The following CCDC27 variants were observed in gnomAD, a reference collection of about 807,000 sequenced individuals.
CCDC27 encodes coiled-coil domain-containing protein 27.
A neutral mutation model predicts 80.3 loss-of-function variants in CCDC27; 80 were observed. That is an observed-to-expected ratio of 1.00 (90% CI 0.83 to 1.20). The LOEUF is 1.20. Ranked by LOEUF, CCDC27 falls within the 50% of genes most tolerant of loss-of-function variation. The probability of loss-of-function intolerance (pLI) is 0.00; values close to 1 mark genes in which losing one functional copy is unlikely to be tolerated. For synonymous variants in CCDC27, 342 were observed against 334.3 expected, an observed-to-expected ratio of 1.02 and a Z score of -0.25; for missense variants, 815 against 809.4, an observed-to-expected ratio of 1.01 and a Z score of -0.08.
At position 3,763,864 on chromosome 1, in the gene CCDC27, G is replaced by A. The variant is rs374369799; in HGVS notation, c.1452+28G>A. ...GGCCGTGCGCTCAGTACCGGCCTCCGCTCCATGAGCATGGGCCCCAGGCTT... is the reference window on the plus strand; with the variant it reads ...GGCCGTGCGCTCAGTACCGGCCTCCACTCCATGAGCATGGGCCCCAGGCTT... On this transcript the variant is annotated intron_variant, in intron 8 of 11. Coordinates refer to ENST00000294600, the MANE Select transcript of CCDC27 (RefSeq NM_152492.3). This position sits in a 1 kb window ranked among gnomAD's most constrained non-coding sequence, Gnocchi z 7.5. 141 of 1,608,894 alleles carry A rather than the reference G, an allele frequency of 8.8e-5. 1 individual carries two copies. The South Asian group carries it at 1.2e-3, about 13-fold the overall frequency.
intron 1 of CCDC27, 114 bp from the exon 2 acceptor site, chr1:3,754,004 G>A (rs991738298): frequency 7.5e-6 from 11 of 1,469,972 alleles, no homozygotes; most frequent in Non-Finnish European, 1.0e-5. Context: ...CGACTCATAG[G>A]CACCTGCCAT....
chr1:3,768,653 C>T lies in CCDC27; in HGVS notation c.1744-1130C>T, dbSNP rs936114995. ...CTAGGTGTGTCCATTTGTGCGCCAG[C>T]CTGCACTGACCTGGTGGAGCCTGGA... On this transcript the variant is annotated intron_variant, in intron 10 of 11. Transcript: ENST00000294600. This position sits in a 1 kb window ranked among gnomAD's most constrained non-coding sequence, Gnocchi z 5.6. Among the ~76,000 whole-genome samples the T allele has an allele frequency of 6.6e-6, 1 of 152,146 alleles. No homozygotes were observed. Among genetic ancestry groups the T allele is most frequent in the African/African-American group, 2.4e-5 (1 of 41,436 alleles).
chr1:3,765,516 TAGA>T (rs1342279925), intron 8 of CCDC27, among the ~76,000 whole-genome samples: 3 of 152,258 alleles, frequency 2.0e-5, no homozygotes, highest in African/African-American at 7.2e-5. Context: ...CGATACTTTC[TAGA>T]AGATTTCCTT....
chr1:3,755,297 G>A (rs1642923695), intron 2 of CCDC27, among the ~76,000 whole-genome samples, 160 bp from the exon 3 acceptor site: 1 of 152,176 alleles, frequency 6.6e-6, no homozygotes, highest in African/African-American at 2.4e-5. Context: ...GGAGGATGAA[G>A]CCCACCCTTT....
At position 3,771,458 on chromosome 1, in the gene CCDC27, G is replaced by T; in HGVS notation, c.1906G>T (p.Val636Leu). The change falls in exon 12 of 12, where the codon GTG becomes TTG. Residue 636 changes from valine to leucine, a missense_variant. Transcript: ENST00000294600. The part of the protein sequence containing the change: ...YNQLKQKGVK[V>L]PPLQQSEAFL... Reference sequence around the variant, plus strand: ...TCAGCTGAAGCAGAAAGGCGTCAAAGTGCCCCCCCTGCAACAGTCAGAGGC... The same window carrying T: ...TCAGCTGAAGCAGAAAGGCGTCAAATTGCCCCCCCTGCAACAGTCAGAGGC... The T allele has an allele frequency of 6.2e-7, 1 of 1,614,026 alleles. No individual in the cohort carries two copies. Among genetic ancestry groups the T allele is most frequent in the Non-Finnish European group, 8.5e-7 (1 of 1,179,986 alleles).
Position 3,763,583 on chromosome 1 carries a change from A to G in CCDC27, c.1321+109A>G, listed in dbSNP as rs1483599187. On this transcript the variant is annotated intron_variant, in intron 7 of 11. Coordinates refer to ENST00000294600, the MANE Select transcript of CCDC27 (RefSeq NM_152492.3). The surrounding 1 kb of genome is among the most constrained non-coding windows in gnomAD (Gnocchi z 7.5). ...CTGGTCAGTGAGCTGGAGCAGGGGC[A>G]GGTGTCGGCAGCCTCACCCAGGCTG... 1.9e-6 allele frequency: 3 copies of G among 1,553,268 alleles called. No individual in the cohort carries two copies. Among genetic ancestry groups the G allele is most frequent in the South Asian group, 1.2e-5 (1 of 81,958 alleles).
rs749567770 is a variant in CCDC27, at chr1:3,763,266, G to GGAGGAGGAA, written c.1124_1132dup (p.Glu375_Glu377dup). Reference sequence around the variant, plus strand: ...GATCCGTGCATGAGGAGGGAAGCGAGGAGGAGGAAGAGGAGGAAGGGGACA... The same window carrying GGAGGAGGAA: ...GATCCGTGCATGAGGAGGGAAGCGAGGAGGAGGAAGAGGAGGAAGAGGAGGAAGGGGACA... On this transcript the variant is annotated inframe_insertion, in exon 7 of 12. Coordinates refer to ENST00000294600, the MANE Select transcript of CCDC27 (RefSeq NM_152492.3). This position sits in a 1 kb window ranked among gnomAD's most constrained non-coding sequence, Gnocchi z 7.5. 3.8e-6 allele frequency: 6 copies of GGAGGAGGAA among 1,583,582 alleles called. No homozygotes were observed. The highest frequency in any genetic ancestry group is 1.8e-5 in the Admixed American group (1 of 54,216).
At chr1:3,764,614 A>G (rs779778284) in intron 8 of CCDC27, among the ~76,000 whole-genome samples, 1 of 152,242 alleles carries the variant, frequency 6.6e-6, no homozygotes, top group Non-Finnish European at 1.5e-5. Flanking sequence ...CATAAATAAA[A>G]TAAGTTTTAC....
In CCDC27 at chr1:3,766,295, T is replaced by C. The variant is rs986472404; in HGVS notation, c.1453-240T>C. On this transcript the variant is annotated intron_variant, in intron 8 of 11. Coordinates refer to ENST00000294600, the MANE Select transcript of CCDC27 (RefSeq NM_152492.3). The surrounding 1 kb of genome is among the most constrained non-coding windows in gnomAD (Gnocchi z 6.1). The stretch of plus-strand genomic sequence containing the variant: ...AGTGTGAATTGGGCTTATTTTCTGC[T>C]TTTCCTACTGCCGGCTATTTGGCTT... Among the ~76,000 whole-genome samples, 1 of 152,204 alleles carries C rather than the reference T, an allele frequency of 6.6e-6. No individual in the cohort carries two copies. The highest frequency in any genetic ancestry group is 1.5e-5 in the Non-Finnish European group (1 of 68,036).
rs753386804 is a variant in CCDC27, at chr1:3,771,444, A to G, written c.1892A>G (p.Gln631Arg). ...ERSDYYNQLK[Q>R]KGVKVPPLQQ... ...AGCGACTACTATAATCAGCTGAAGCAGAAAGGCGTCAAAGTGCCCCCCCTG... is the reference window on the plus strand; with the variant it reads ...AGCGACTACTATAATCAGCTGAAGCGGAAAGGCGTCAAAGTGCCCCCCCTG... Residue 631 changes from glutamine to arginine, a missense_variant, in exon 12 of 12, where the codon CAG becomes CGG. By Grantham distance (43) the Gln-to-Arg change is conservative (BLOSUM62 1). Coordinates refer to ENST00000294600, the MANE Select transcript of CCDC27 (RefSeq NM_152492.3). 2 of 1,614,102 alleles carry G rather than the reference A, an allele frequency of 1.2e-6. No homozygotes were observed. The highest frequency in any genetic ancestry group is 1.7e-6 in the Non-Finnish European group (2 of 1,180,008).
chr1:3,765,853 T>C lies in CCDC27; in HGVS notation c.1453-682T>C, dbSNP rs1449124648. Among the ~76,000 whole-genome samples the C allele has an allele frequency of 4.1e-5, 6 of 146,702 alleles. No homozygotes were observed. The Middle Eastern group carries it at 0.014, about 349-fold the overall frequency. ...CTTTGGCATTTTAATGGAGAGTTTC[T>C]TTTCTTTTCTTTTCTCCTTTTTTTT... is the stretch of plus-strand genomic sequence containing the variant. On this transcript the variant is annotated intron_variant, in intron 8 of 11. Coordinates refer to ENST00000294600, the MANE Select transcript of CCDC27 (RefSeq NM_152492.3).
rs1215300500 is a variant in CCDC27 at position 3,752,639 on chromosome 1, C to T, written c.158C>T (p.Ser53Phe). Reference sequence around the variant, plus strand: ...ATGTTACCTAAGGAGGCCAGCCCATCTCAGAGGCACAGTTCGATGTCCAGC... The same window carrying T: ...ATGTTACCTAAGGAGGCCAGCCCATTTCAGAGGCACAGTTCGATGTCCAGC... ...RLMLPKEASP[S>F]QRHSSMSSSM... is the part of the protein sequence containing the mutation. The change falls in exon 1 of 12, where the codon TCT (serine) becomes TTT (phenylalanine). Residue 53 changes from serine (S) to phenylalanine (F), a missense_variant. Transcript: ENST00000294600. 3 of 1,614,132 alleles carry T rather than the reference C, an allele frequency of 1.9e-6. No individual in the cohort carries two copies. Among genetic ancestry groups the T allele is most frequent in the South Asian group, 1.1e-5 (1 of 91,082 alleles).
chr1:3,762,552 G>T, intron 5 of CCDC27, 68 bp from the exon 6 acceptor site: 1 of 1,249,306 alleles, frequency 8.0e-7, no homozygotes, highest in Non-Finnish European at 1.1e-6. Context: ...TCTAGGACAG[G>T]CAGTGGTCTG....
chr1:3,763,804 C>T lies in CCDC27; in HGVS notation c.1420C>T (p.Arg474Trp), dbSNP rs140665259. Residue 474 changes from arginine to tryptophan, a missense_variant, in exon 8 of 12, where the codon CGG becomes TGG. By Grantham distance (101) the Arg-to-Trp change is moderately radical. Coordinates refer to ENST00000294600, the MANE Select transcript of CCDC27 (RefSeq NM_152492.3). This position sits in a 1 kb window ranked among gnomAD's most constrained non-coding sequence, Gnocchi z 7.5. ...GACGCTGCAGAAGGAGCTCCGAGAGCGGAGGCAGCAGCTACAAGCCATGAC... is the reference window on the plus strand; with the variant it reads ...GACGCTGCAGAAGGAGCTCCGAGAGTGGAGGCAGCAGCTACAAGCCATGAC... ...NETLQKELRERRQQLQAMTDK... is the reference protein window; with the variant it reads ...NETLQKELREWRQQLQAMTDK... The T allele has an allele frequency of 3.2e-4, 519 of 1,613,848 alleles. No individual in the cohort carries two copies. The highest frequency in any genetic ancestry group is 1.6e-3 in the Admixed American group (97 of 60,026).
rs143969012 is a variant in CCDC27 at position 3,764,893 on chromosome 1, G to A, written c.1452+1057G>A. Reference sequence around the variant, plus strand: ...TCTACTAAAAATACAAAAATTAACCGGTGTGATGGTGGATGCCTGTAATCC... The same window carrying A: ...TCTACTAAAAATACAAAAATTAACCAGTGTGATGGTGGATGCCTGTAATCC... On this transcript the variant is annotated intron_variant, in intron 8 of 11. Coordinates refer to ENST00000294600, the MANE Select transcript of CCDC27 (RefSeq NM_152492.3). Among the ~76,000 whole-genome samples, 228 of 152,128 alleles carry A rather than the reference G, an allele frequency of 1.5e-3. 2 individuals carry two copies. Among genetic ancestry groups the A allele is most frequent in the African/African-American group, 4.4e-3 (183 of 41,500 alleles).
rs1325062194 is a variant in CCDC27 at position 3,763,976 on chromosome 1, C to T, written c.1452+140C>T. 2 of 1,392,288 alleles carry T rather than the reference C, an allele frequency of 1.4e-6. No homozygotes were observed. Among genetic ancestry groups the T allele is most frequent in the Non-Finnish European group, 1.9e-6 (2 of 1,049,624 alleles). 86.2% of individuals were successfully genotyped at this position (1,392,288 alleles called of 1,614,324 possible). A position where few individuals can be genotyped will look rare whatever the true frequency, so the allele number is the denominator to read the frequency against. On this transcript the variant is annotated intron_variant, in intron 8 of 11. Coordinates refer to ENST00000294600, the MANE Select transcript of CCDC27 (RefSeq NM_152492.3). The surrounding 1 kb of genome is among the most constrained non-coding windows in gnomAD (Gnocchi z 7.5). ...GCCTGGGGTGTCCAGGCAGCTGGCC[C>T]AGGGTTGTGCGGCTGATAGCGGCCC...
At chr1:3,762,342 T>C (rs1643108668) in intron 5 of CCDC27, among the ~76,000 whole-genome samples, 1 of 152,000 alleles carries the variant, frequency 6.6e-6, no homozygotes, top group South Asian at 2.1e-4. Flanking sequence ...ACAGTGGGCG[T>C]GTGTAAGGCT....
At chr1:3,757,783 G>A (rs986118452) in intron 4 of CCDC27, among the ~76,000 whole-genome samples, 72 of 152,136 alleles carry the variant, frequency 4.7e-4, no homozygotes, top group Non-Finnish European at 8.2e-4. Context: ...TTAGCCAGGC[G>A]TGGTGGTGGG....
chr1:3,763,740 C>A lies in CCDC27; in HGVS notation c.1356C>A (p.Phe452Leu). 1.2e-6 allele frequency: 2 copies of A among 1,614,126 alleles called. No homozygotes were observed. Among genetic ancestry groups the A allele is most frequent in the South Asian group, 2.2e-5 (2 of 91,080 alleles). Residue 452 changes from phenylalanine (F) to leucine (L), a missense_variant, in exon 8 of 12, where the codon TTC (phenylalanine) becomes TTA (leucine). Transcript: ENST00000294600. The surrounding 1 kb of genome is among the most constrained non-coding windows in gnomAD (Gnocchi z 7.5). ...CGTCTTTACAACAACAAGTGGATTT[C>A]CAAGAAACCCAGCTGCGAAAGATCA... ...VIASLQQQVD[F>L]QETQLRKINT...
Sources: allele counts gnomAD v4.1 joint callset (sites outside exome capture counted in the v4.1 genomes callset), GRCh38; gene constraint gnomAD v4.1.1; non-coding constraint Gnocchi (gnomAD v3.1); transcripts MANE v1.5; gene names NCBI Gene and HGNC (gene_info 2026-07-23, HGNC 2026-07-21).